Variants in CEP83 observed in about 807,000 individuals in gnomAD.
The protein encoded by CEP83 is centrosomal protein of 83 kDa.
CEP83 carries 70 observed loss-of-function variants against 101.9 expected under a neutral mutation model. The ratio of observed to expected loss-of-function variants is 0.69; its 90% CI spans 0.57 to 0.84. The LOEUF is 0.84. Ranked by LOEUF, CEP83 falls within the 40% of genes least tolerant of loss-of-function variation. The probability of loss-of-function intolerance (pLI) is 0.00; values close to 1 mark genes in which losing one functional copy is unlikely to be tolerated. For synonymous variants in CEP83, 264 were observed against 267.9 expected (o/e 0.99, Z 0.14); for missense variants, 715 against 787.2 (o/e 0.91, Z 1.10).
intron 6 of CEP83, among the ~76,000 whole-genome samples, chr12:94,384,917 C>A (rs1276555615): frequency 1.3e-5 from 2 of 152,188 alleles, no homozygotes; most frequent in African/African-American, 4.8e-5. Flanking sequence ...GTTTTACATT[C>A]AGTTTCAGAC....
intron 2 of CEP83, among the ~76,000 whole-genome samples, chr12:94,422,309 C>A (rs545394033): frequency 6.6e-6 from 1 of 152,340 alleles, no homozygotes; most frequent in African/African-American, 2.4e-5. Flanking sequence ...CATGGCAAGA[C>A]TGCTAGTGAG....
intron 2 of CEP83, among the ~76,000 whole-genome samples, chr12:94,413,819 A>T (rs868166475): frequency 1.5e-5 from 2 of 134,628 alleles, no homozygotes; most frequent in East Asian, 4.1e-4. Context: ...CTAGTCCCAT[A>T]ATACATACAC....
At chr12:94,415,272 C>T (rs1273381436) in intron 2 of CEP83, among the ~76,000 whole-genome samples, 1 of 151,758 alleles carries the variant, frequency 6.6e-6, no homozygotes, top group Non-Finnish European at 1.5e-5. Context: ...AAATTTTTGT[C>T]CTAAGGTAAA....
At chr12:94,269,298 ATT>A in the CEP83 span, among the ~76,000 whole-genome samples, 1 of 152,226 alleles carries the variant, frequency 6.6e-6, no homozygotes, top group Non-Finnish European at 1.5e-5. Flanking sequence ...AGTTTTCAAG[ATT>A]ATTAGAAATT....
intron 1 of CEP83, among the ~76,000 whole-genome samples, chr12:94,435,658 G>A (rs550339694): frequency 1.3e-5 from 2 of 152,124 alleles, no homozygotes; most frequent in Non-Finnish European, 2.9e-5. Context: ...TCTTGAAATT[G>A]CCACTTCCTG....
At chr12:94,413,009 C>A (rs543928851) in intron 2 of CEP83, among the ~76,000 whole-genome samples, 1 of 152,090 alleles carries the variant, frequency 6.6e-6, no homozygotes, top group Admixed American at 6.6e-5. Flanking sequence ...CCCGCCACCA[C>A]GCTCGGCTAA....
intron 4 of CEP83, among the ~76,000 whole-genome samples, chr12:94,408,561 C>T (rs549061704): frequency 6.6e-6 from 1 of 152,258 alleles, no homozygotes; most frequent in African/African-American, 2.4e-5. Flanking sequence ...GTACTGACCA[C>T]TTACTAGATC....
chr12:94,331,342 A>G (rs2059204308), intron 14 of CEP83, among the ~76,000 whole-genome samples: 1 of 141,650 alleles, frequency 7.1e-6, no homozygotes, highest in Non-Finnish European at 1.5e-5. Context: ...TACTCCATAG[A>G]AATCACCTTT....
intron 6 of CEP83, among the ~76,000 whole-genome samples, chr12:94,393,346 A>G (rs958335984): frequency 2.0e-5 from 3 of 152,246 alleles, no homozygotes; most frequent in African/African-American, 4.8e-5. Context: ...AACATAATCC[A>G]GCATATAAAC....
At chr12:94,280,183 T>C in the CEP83 span, 1 of 220,222 alleles carries the variant, frequency 4.5e-6, no homozygotes, top group Non-Finnish European at 9.2e-6. Flanking sequence ...TATGAATTCA[T>C]TTTCGGGCTC....
chr12:94,289,205 T>G, the CEP83 span, among the ~76,000 whole-genome samples: 4 of 152,180 alleles, frequency 2.6e-5, no homozygotes, highest in African/African-American at 7.2e-5. Flanking sequence ...TAGCTCCTGT[T>G]TATTTTGGAA....
intron 1 of CEP83, among the ~76,000 whole-genome samples, chr12:94,438,927 G>A (rs949459038): frequency 6.6e-6 from 1 of 152,118 alleles, no homozygotes; most frequent in African/African-American, 2.4e-5. Flanking sequence ...TGACCTCTGG[G>A]TCAACAATGA....
At chr12:94,441,488 G>A (rs1212342963) in intron 1 of CEP83, among the ~76,000 whole-genome samples, 1 of 152,132 alleles carries the variant, frequency 6.6e-6, no homozygotes, top group Non-Finnish European at 1.5e-5. Flanking sequence ...ACTCCTGCAA[G>A]AATGGCCATA....
intron 11 of CEP83, among the ~76,000 whole-genome samples, chr12:94,346,991 T>A (rs1263336686): frequency 6.6e-6 from 1 of 151,242 alleles, no homozygotes; most frequent in Non-Finnish European, 1.5e-5. Context: ...TGAGCTGAGA[T>A]GGCACCACGG....
chr12:94,406,360 AC>A (rs2063533333), intron 4 of CEP83, among the ~76,000 whole-genome samples: 1 of 151,700 alleles, frequency 6.6e-6, no homozygotes, highest in Non-Finnish European at 1.5e-5. Context: ...AACAACAACA[AC>A]AACAACAACA....
chr12:94,303,168 G>A (rs141531608), downstream of CEP83, among the ~76,000 whole-genome samples: 140 of 152,268 alleles, frequency 9.2e-4, 1 homozygote, highest in East Asian at 5.0e-3. Context: ...AATTGCCAGA[G>A]AACCTCTGCA....
rs367874777 is a variant in CEP83 at position 94,411,677 on chromosome 12, A to G, written c.324+20T>C. On this transcript the variant is annotated intron_variant, in intron 4 of 16. Coordinates refer to ENST00000397809, the MANE Select transcript of CEP83 (RefSeq NM_016122.3). ...CTGACTGCTTTTATACTAACTCAAA[A>G]CTCAAATATATTTTCTCACCTGCAG... is the stretch of plus-strand genomic sequence containing the variant. 8.9e-6 allele frequency: 14 copies of G among 1,576,152 alleles called. No homozygotes were observed. Among genetic ancestry groups the G allele is most frequent in the Middle Eastern group, 3.4e-4 (2 of 5,932 alleles).
chr12:94,366,889 G>A (rs1430721638), intron 11 of CEP83, among the ~76,000 whole-genome samples: 2 of 152,014 alleles, frequency 1.3e-5, no homozygotes, highest in Non-Finnish European at 1.5e-5. Flanking sequence ...AAAAGGACAT[G>A]GGATTCAACT....
At chr12:94,357,107 G>A (rs1464148312) in intron 11 of CEP83, among the ~76,000 whole-genome samples, 1 of 152,138 alleles carries the variant, frequency 6.6e-6, no homozygotes, top group African/African-American at 2.4e-5. Flanking sequence ...TGCAGATTTG[G>A]CTGCTCAGGA....
Sources: gnomAD v4.1 joint callset for allele counts (sites outside exome capture counted in the v4.1 genomes callset) on GRCh38, gnomAD v4.1.1 for gene constraint, MANE v1.5 for transcripts, NCBI Gene and HGNC (gene_info 2026-07-23, HGNC 2026-07-21) for gene names.